The following HMCN1 variants were observed in gnomAD, a reference collection of about 807,000 sequenced individuals.
The protein encoded by HMCN1 is hemicentin-1.
HMCN1 carries 321 observed loss-of-function variants against 625.9 expected under a neutral mutation model. The observed-to-expected ratio is 0.51, with a 90% CI of 0.47 to 0.56. The LOEUF (loss-of-function observed/expected upper bound fraction) is 0.56. Ranked by LOEUF, HMCN1 falls within the 20% of genes least tolerant of loss-of-function variation. The probability of loss-of-function intolerance (pLI) is 0.00; values close to 1 mark genes in which losing one functional copy is unlikely to be tolerated. For synonymous variants in HMCN1, 2,425 were observed against 2,417.6 expected, an observed-to-expected ratio of 1.00 and a Z score of -0.09; for missense variants, 6,588 against 6,887.3, an observed-to-expected ratio of 0.96 and a Z score of 1.54.
intron 22 of HMCN1, among the ~76,000 whole-genome samples, chr1:185,992,514 C>T (rs961191779): frequency 2.0e-5 from 3 of 152,104 alleles, no homozygotes; most frequent in Non-Finnish European, 4.4e-5. Flanking sequence ...ATAGTCAATA[C>T]TTTCCTTACT....
intron 30 of HMCN1, 135 bp from the exon 31 acceptor site, chr1:186,015,024 C>G (rs1039882718): frequency 8.0e-6 from 6 of 751,004 alleles, no homozygotes; most frequent in Non-Finnish European, 1.3e-5. Context: ...AACTCATTAT[C>G]AGGAGATAAA....
chr1:186,168,463 G>A (rs1446473404), intron 100 of HMCN1, among the ~76,000 whole-genome samples: 1 of 130,292 alleles, frequency 7.7e-6, no homozygotes, highest in South Asian at 2.5e-4. Flanking sequence ...AAAAAAAAAA[G>A]TATATGATCA....
At chr1:185,739,646 A>G (rs1277830989) in intron 1 of HMCN1, among the ~76,000 whole-genome samples, 3 of 152,150 alleles carry the variant, frequency 2.0e-5, no homozygotes, top group Non-Finnish European at 2.9e-5. Context: ...TCACTCACCT[A>G]TATGTTTCAG....
intron 82 of HMCN1, 90 bp downstream of exon 82, chr1:186,125,884 T>A: frequency 2.2e-6 from 2 of 902,736 alleles, no homozygotes; most frequent in Admixed American, 2.7e-5. Context: ...GTATATTCTT[T>A]AATAATTAAA....
At chr1:185,950,608 C>T (rs372029041) in intron 11 of HMCN1, among the ~76,000 whole-genome samples, 2 of 151,738 alleles carry the variant, frequency 1.3e-5, no homozygotes, top group East Asian at 1.9e-4. Context: ...AGATAGGTAA[C>T]AGATGAGGAA....
In HMCN1 at chr1:185,969,323, C is replaced by G. The variant is rs1182961218; in HGVS notation, c.2213-1012C>G. ...TTAAATATTGGAATGCTGAAAAATA[C>G]TTCATTTTAGGCACTGACGGTTGCT... is the stretch of plus-strand genomic sequence containing the variant. On this transcript the variant is annotated intron_variant, in intron 14 of 106. Transcript: ENST00000271588. Among the ~76,000 whole-genome samples, 13 of 151,238 alleles carry G rather than the reference C, an allele frequency of 8.6e-5. 1 individual carries two copies.
chr1:185,962,221 T>G (rs1272454796), intron 11 of HMCN1, among the ~76,000 whole-genome samples: 1 of 152,164 alleles, frequency 6.6e-6, no homozygotes, highest in Non-Finnish European at 1.5e-5. Flanking sequence ...AGTGTCAGAT[T>G]AGTGGCATAA....
chr1:186,032,758 G>GA (rs1553278187), intron 36 of HMCN1, among the ~76,000 whole-genome samples: 8 of 104,392 alleles, frequency 7.7e-5, no homozygotes, highest in Non-Finnish European at 1.4e-4. Flanking sequence ...AAAAAAAAAA[G>GA]AAAAAAAAAG....
At chr1:185,916,060 G>A (rs1287365054) in intron 6 of HMCN1, among the ~76,000 whole-genome samples, 2 of 144,248 alleles carry the variant, frequency 1.4e-5, no homozygotes, top group East Asian at 1.9e-4. Flanking sequence ...GCATATGCGT[G>A]TGTGCATATG....
chr1:185,747,680 G>C (rs921509102), intron 1 of HMCN1, among the ~76,000 whole-genome samples: 1 of 152,142 alleles, frequency 6.6e-6, no homozygotes, highest in Admixed American at 6.6e-5. Context: ...GTGATGTCCA[G>C]ATATTTAATT....
At chr1:186,063,449 AGAAGGAAGGAAGGAAG>A (rs71798893) in intron 48 of HMCN1, among the ~76,000 whole-genome samples, 19,725 of 104,168 alleles carry the variant, frequency 0.19, 2,354 homozygotes, top group African/African-American at 0.29. Context: ...GGACGGAGAG[AGAAGGAAGGAAGGAAG>A]GAAGGAAGGA....
rs756095092 is a variant in HMCN1, at chr1:186,090,789, A to G, written c.9759A>G (p.Pro3253=). 6 of 1,612,444 alleles carry G rather than the reference A, an allele frequency of 3.7e-6. No homozygotes were observed. The highest frequency in any genetic ancestry group is 5.1e-6 in the Non-Finnish European group (6 of 1,179,004). Residue 3253 remains proline (P), a synonymous_variant, in exon 64 of 107, where the codon CCA becomes CCG. Transcript: ENST00000271588. ...VPPSVAGAEI[P]SDVSVLLGEN... is the part of the protein sequence containing the mutation. ...CAAGTGTTGCTGGTGCTGAAATTCC[A>G]AGTGATGTCAGTGTCCTTCTAGGAG...
chr1:185,846,517 G>A (rs1661826156), intron 2 of HMCN1, among the ~76,000 whole-genome samples: 1 of 152,206 alleles, frequency 6.6e-6, no homozygotes, highest in African/African-American at 2.4e-5. Context: ...TCAGCCATAT[G>A]AAATGTTTGA....
chr1:185,996,051 T>C (rs1454757660), intron 24 of HMCN1, among the ~76,000 whole-genome samples: 1 of 152,162 alleles, frequency 6.6e-6, no homozygotes, highest in African/African-American at 2.4e-5. Context: ...TTCCTGTTCA[T>C]TCCACAAACT....
chr1:186,165,240 G>C (rs1486830807), intron 98 of HMCN1, 67 bp downstream of exon 98: 1 of 1,293,956 alleles, frequency 7.7e-7, no homozygotes, highest in African/African-American at 1.5e-5. Flanking sequence ...GCATTTAATG[G>C]GTATCTATTG....
At chr1:186,108,669 T>C (rs756508719) in intron 71 of HMCN1, 72 bp downstream of exon 71, 366 of 1,561,894 alleles carry the variant, frequency 2.3e-4, no homozygotes, top group Non-Finnish European at 2.6e-4. Flanking sequence ...TCTAGGGCCT[T>C]TGCTGGGTAC....
chr1:186,161,079 A>T (rs946119220), intron 97 of HMCN1, among the ~76,000 whole-genome samples: 3 of 152,060 alleles, frequency 2.0e-5, no homozygotes, highest in Non-Finnish European at 4.4e-5. Flanking sequence ...GTCTCTAAGG[A>T]CTTGCTTTAT....
In HMCN1 at chr1:186,087,981, G is replaced by A. The variant is rs889154522; in HGVS notation, c.9413G>A (p.Arg3138Gln). The change falls in exon 61 of 107, where the codon CGG (arginine) becomes CAG (glutamine). Residue 3138 changes from arginine (R) to glutamine (Q), a missense_variant. Arg to Gln is a conservative substitution (Grantham distance 43). Transcript: ENST00000271588. ...TGTAGAGCTATAAATGTAGCAGGAC[G>A]GGATGATAAAAATTTCCACCTCAAT... ...YVCRAINVAG[R>Q]DDKNFHLNVY... is the part of the protein sequence containing the mutation. 4.3e-6 allele frequency: 7 copies of A among 1,612,946 alleles called. No homozygotes were observed. Among genetic ancestry groups the A allele is most frequent in the African/African-American group, 4.0e-5 (3 of 74,822 alleles).
chr1:186,152,466 A>G (rs1650735783), intron 95 of HMCN1, among the ~76,000 whole-genome samples: 1 of 152,208 alleles, frequency 6.6e-6, no homozygotes, highest in Non-Finnish European at 1.5e-5. Context: ...CAGACAATTC[A>G]TTTTTATAAG....
Sources: allele counts gnomAD v4.1 joint callset (sites outside exome capture counted in the v4.1 genomes callset), GRCh38; gene constraint gnomAD v4.1.1; transcripts MANE v1.5; gene names NCBI Gene and HGNC (gene_info 2026-07-23, HGNC 2026-07-21).